The following RIPK4 variants were observed in gnomAD, a reference collection of about 807,000 sequenced individuals.
RIPK4 encodes the protein receptor-interacting serine/threonine-protein kinase 4.
A neutral mutation model predicts 42.9 loss-of-function variants in RIPK4; 17 were observed. The observed-to-expected ratio is 0.40, with a 90% CI of 0.27 to 0.59. The LOEUF is 0.59. Ranked by LOEUF, RIPK4 falls within the 20% of genes least tolerant of loss-of-function variation. RIPK4 has a pLI of 0.47. For synonymous variants in RIPK4, 498 were observed against 499.1 expected (o/e 1.00, Z 0.03); for missense variants, 897 against 1,104.4 (o/e 0.81, Z 2.66).
chr21:41,752,658 C>T (rs927112774), intron 2 of RIPK4, among the ~76,000 whole-genome samples: 3 of 152,350 alleles, frequency 2.0e-5, no homozygotes, highest in Non-Finnish European at 2.9e-5. Flanking sequence ...GGCTGCTGGA[C>T]GCTGGGACAC....
chr21:41,766,367 G>A (rs1215124481), intron 1 of RIPK4, among the ~76,000 whole-genome samples: 4 of 152,234 alleles, frequency 2.6e-5, no homozygotes, highest in African/African-American at 9.6e-5. Flanking sequence ...TCGAACGGAG[G>A]CTAACTCCAC....
At chr21:41,754,008 GC>G (rs1431521566) in intron 2 of RIPK4, among the ~76,000 whole-genome samples, 34 of 152,122 alleles carry the variant, frequency 2.2e-4, no homozygotes, top group Non-Finnish European at 2.5e-4. Flanking sequence ...ACATTTAACT[GC>G]TTCATGAAGT....
intron 1 of RIPK4, among the ~76,000 whole-genome samples, chr21:41,757,483 C>T (rs1031968491): frequency 5.3e-5 from 8 of 149,752 alleles, no homozygotes; most frequent in African/African-American, 2.0e-4. Context: ...AATCATGCCA[C>T]TGCACTCCAG....
intron 1 of RIPK4, among the ~76,000 whole-genome samples, chr21:41,763,500 G>A (rs1484451261): frequency 2.0e-5 from 3 of 152,174 alleles, no homozygotes; most frequent in Non-Finnish European, 4.4e-5. Context: ...AATAAACGAA[G>A]GGAAAAGTGA....
chr21:41,744,204 A>G (rs1601675371), intron 6 of RIPK4, 64 bp from the exon 7 acceptor site: 2 of 1,469,642 alleles, frequency 1.4e-6, no homozygotes, highest in East Asian at 2.3e-5. Context: ...CCCGCCCATG[A>G]CACAAACACA....
chr21:41,744,964 G>C (rs1348274853), intron 6 of RIPK4, among the ~76,000 whole-genome samples: 1 of 152,206 alleles, frequency 6.6e-6, no homozygotes, highest in East Asian at 1.9e-4. Flanking sequence ...AGGCACACCT[G>C]TTTGCCCCAA....
intron 1 of RIPK4, among the ~76,000 whole-genome samples, chr21:41,759,997 A>C (rs1003701849): frequency 6.6e-6 from 1 of 152,298 alleles, no homozygotes; most frequent in African/African-American, 2.4e-5. Flanking sequence ...TCTCAATTAG[A>C]GGCAACTTCA....
At position 41,751,451 on chromosome 21, in the gene RIPK4, T is replaced by G. The variant is rs1340689570; in HGVS notation, c.475-206A>C. 6.6e-6 allele frequency among the ~76,000 whole-genome samples: 1 copy of G among 152,158 alleles called. No homozygotes were observed. Among genetic ancestry groups the G allele is most frequent in the African/African-American group, 2.4e-5 (1 of 41,442 alleles). ...GGGGCAGAAGCAAGCCTGGAGGCAT[T>G]AGGAGCAGCACATTTGACGGGCAGG... is the stretch of plus-strand genomic sequence containing the variant. On this transcript the variant is annotated intron_variant, in intron 2 of 7. Transcript: ENST00000332512. The surrounding 1 kb of genome is among the most constrained non-coding windows in gnomAD (Gnocchi z 4.5).
At chr21:41,765,453 G>C (rs1057236939) in intron 1 of RIPK4, among the ~76,000 whole-genome samples, 1 of 152,212 alleles carries the variant, frequency 6.6e-6, no homozygotes, top group Non-Finnish European at 1.5e-5. Flanking sequence ...AGAAACACTG[G>C]ATTTGAGGGT....
At position 41,746,729 on chromosome 21, in the gene RIPK4, C is replaced by CCCTTCACCA. The variant is rs773372178; in HGVS notation, c.707_715dup (p.Val236_Lys238dup). The CCCTTCACCA allele has an allele frequency of 6.2e-7, 1 of 1,607,602 alleles. No homozygotes were observed. Among genetic ancestry groups the CCCTTCACCA allele is most frequent in the Non-Finnish European group, 8.5e-7 (1 of 1,178,234 alleles). On this transcript the variant is annotated inframe_insertion, in exon 5 of 8. Coordinates refer to ENST00000332512, the MANE Select transcript of RIPK4 (RefSeq NM_020639.3). Reference sequence around the variant, plus strand: ...CACGGGCGGCAGCTCGGGGCGGTGGCCCTTCACCACCTTCACCATGATGTG... The same window carrying CCCTTCACCA: ...CACGGGCGGCAGCTCGGGGCGGTGGCCCTTCACCACCTTCACCACCTTCACCATGATGTG...
Position 41,756,610 on chromosome 21 carries a change from T to G in RIPK4, c.389A>C (p.Asn130Thr). 6.2e-7 allele frequency: 1 copy of G among 1,613,404 alleles called. No homozygotes were observed. The highest frequency in any genetic ancestry group is 8.5e-7 in the Non-Finnish European group (1 of 1,179,926). Residue 130 changes from asparagine to threonine, a missense_variant, in exon 2 of 8, where the codon AAC becomes ACC. Asn to Thr is a moderately conservative substitution (Grantham distance 65). Coordinates refer to ENST00000332512, the MANE Select transcript of RIPK4 (RefSeq NM_020639.3). ...TGGCGGGGCCATGCAGTGCAGGAAG[T>G]TCATGCCCACCGCCGTCTCGTGGAT... is the stretch of plus-strand genomic sequence containing the variant. Reference protein sequence around the residue: ...RIIHETAVGMNFLHCMAPPLL... With the variant: ...RIIHETAVGMTFLHCMAPPLL...
intron 2 of RIPK4, among the ~76,000 whole-genome samples, chr21:41,753,674 T>A (rs1427297138): frequency 6.6e-6 from 1 of 152,174 alleles, no homozygotes; most frequent in Admixed American, 6.5e-5. Flanking sequence ...ACTCTGCATC[T>A]CCAAGAGCTG....
At chr21:41,750,756 T>C (rs1412639927) in intron 3 of RIPK4, among the ~76,000 whole-genome samples, 1 of 152,184 alleles carries the variant, frequency 6.6e-6, no homozygotes, top group Non-Finnish European at 1.5e-5. Context: ...CATGACTTAC[T>C]GCAATCTCCA....
chr21:41,757,723 G>A (rs910401431), intron 1 of RIPK4, among the ~76,000 whole-genome samples: 17 of 151,566 alleles, frequency 1.1e-4, no homozygotes, highest in African/African-American at 3.6e-4. Context: ...AATATAGGCC[G>A]GGTGTGATGG....
At chr21:41,761,657 C>A (rs1569107331) in intron 1 of RIPK4, among the ~76,000 whole-genome samples, 1 of 152,206 alleles carries the variant, frequency 6.6e-6, no homozygotes, top group Non-Finnish European at 1.5e-5. Context: ...GGTCATTTTT[C>A]CACATTAAGT....
At chr21:41,748,264 T>C (rs890785700) in intron 4 of RIPK4, among the ~76,000 whole-genome samples, 6 of 152,216 alleles carry the variant, frequency 3.9e-5, no homozygotes, top group African/African-American at 1.4e-4. Context: ...TTCCCATACA[T>C]CGGCTCCTAG....
intron 1 of RIPK4, among the ~76,000 whole-genome samples, chr21:41,764,232 C>G (rs2061229619): frequency 6.6e-6 from 1 of 152,194 alleles, no homozygotes; most frequent in Non-Finnish European, 1.5e-5. Flanking sequence ...AAACAAGCCC[C>G]GAGCAGGTGC....
At chr21:41,747,780 CCAAG>C (rs796555186) in intron 4 of RIPK4, among the ~76,000 whole-genome samples, 58 of 152,310 alleles carry the variant, frequency 3.8e-4, no homozygotes, top group African/African-American at 1.3e-3. Flanking sequence ...TTTCCTGCTG[CCAAG>C]CACAGACTGG....
At position 41,741,050 on chromosome 21, in the gene RIPK4, G is replaced by T. The variant is rs758995528; in HGVS notation, c.2143C>A (p.His715Asn). 1.2e-6 allele frequency: 2 copies of T among 1,609,994 alleles called. No individual in the cohort carries two copies. Among genetic ancestry groups the T allele is most frequent in the Non-Finnish European group, 1.7e-6 (2 of 1,179,282 alleles). The change falls in exon 8 of 8, where the codon CAC (histidine) becomes AAC (asparagine). Residue 715 changes from histidine (H) to asparagine (N), a missense_variant. By Grantham distance (68) the His-to-Asn change is moderately conservative (BLOSUM62 1). Coordinates refer to ENST00000332512, the MANE Select transcript of RIPK4 (RefSeq NM_020639.3). The stretch of plus-strand genomic sequence containing the variant: ...ACCAACTCCTCCACCACCTCCGAGT[G>T]CCCGTGGGCGGCAGCCAGGTGCAGC... ...TALHLAAAHGHSEVVEELVSA... is the reference protein window; with the variant it reads ...TALHLAAAHGNSEVVEELVSA...
Sources: gnomAD v4.1 joint callset for allele counts (sites outside exome capture counted in the v4.1 genomes callset) on GRCh38, gnomAD v4.1.1 for gene constraint, Gnocchi (gnomAD v3.1) non-coding constraint, MANE v1.5 for transcripts, NCBI Gene and HGNC (gene_info 2026-07-23, HGNC 2026-07-21) for gene names.